Variants in AATF observed in about 807,000 individuals in gnomAD.
AATF encodes the protein protein AATF.
AATF carries 48 observed loss-of-function variants against 63.7 expected under a neutral mutation model. The observed-to-expected ratio is 0.75, with a 90% CI of 0.60 to 0.96. AATF has a LOEUF of 0.96. AATF is among the 40% of genes least tolerant of loss of function. The pLI is 0.00. For synonymous variants in AATF, 258 were observed against 247.7 expected (o/e 1.04, Z -0.39); for missense variants, 639 against 685.7 (o/e 0.93, Z 0.76).
At chr17:37,019,496 T>A (rs979071684) in intron 9 of AATF, among the ~76,000 whole-genome samples, 3 of 152,174 alleles carry the variant, frequency 2.0e-5, no homozygotes, top group African/African-American at 7.2e-5. Flanking sequence ...GACCTCCACC[T>A]CTTCAGTAAA....
At position 37,051,697 on chromosome 17, in the gene AATF, G is replaced by GACAC. The variant is rs59773430; in HGVS notation, c.1620-4875_1620-4872dup. On this transcript the variant is annotated intron_variant, in intron 11 of 11. Coordinates refer to ENST00000619387, the MANE Select transcript of AATF (RefSeq NM_012138.4). ...CCTAAGACAGACAGACAGACAGACA[G>GACAC]ACACACACACACACACACACACACA... Among the ~76,000 whole-genome samples the GACAC allele has an allele frequency of 8.6e-3, 1,183 of 137,210 alleles. 4 individuals are homozygous for GACAC. The highest frequency in any genetic ancestry group is 0.018 in the East Asian group (84 of 4,756). 90.0% of individuals were successfully genotyped at this position (137,210 alleles called of 152,430 possible). A position where few individuals can be genotyped will look rare whatever the true frequency, so the allele number is the denominator to read the frequency against.
chr17:36,989,311 G>T lies in AATF; in HGVS notation c.1214G>T (p.Arg405Ile). The change falls in exon 7 of 12, where the codon AGA becomes ATA. Residue 405 changes from arginine to isoleucine, a missense_variant. Coordinates refer to ENST00000619387, the MANE Select transcript of AATF (RefSeq NM_012138.4). ...QIDHILMDKE[R>I]LLRRTQTKRS... ...GACCATATTCTGATGGACAAAGAGA[G>T]ATTACTTCGAAGGACACAGACCAAG... The T allele has an allele frequency of 6.2e-7, 1 of 1,614,074 alleles. No homozygotes were observed. Among genetic ancestry groups the T allele is most frequent in the Non-Finnish European group, 8.5e-7 (1 of 1,179,998 alleles).
chr17:36,988,740 C>T lies in AATF; in HGVS notation c.1149+20C>T. ...GGGAAGGCAAGTGTGTGTATGCGCG[C>T]ATGTATGTGTAAGATAGGTTGTGGC... On this transcript the variant is annotated intron_variant, in intron 6 of 11. Transcript: ENST00000619387. 1 of 1,611,166 alleles carries T rather than the reference C, an allele frequency of 6.2e-7. No homozygotes were observed. Among genetic ancestry groups the T allele is most frequent in the Non-Finnish European group, 8.5e-7 (1 of 1,178,664 alleles).
At chr17:37,046,557 C>T (rs1416565861) in intron 11 of AATF, among the ~76,000 whole-genome samples, 1 of 152,136 alleles carries the variant, frequency 6.6e-6, no homozygotes, top group Non-Finnish European at 1.5e-5. Context: ...CTAGTTACTT[C>T]TTGTGCGTTT....
intron 7 of AATF, among the ~76,000 whole-genome samples, chr17:36,990,176 A>T (rs1284380580): frequency 6.6e-6 from 1 of 152,198 alleles, no homozygotes; most frequent in Non-Finnish European, 1.5e-5. Context: ...TTACAACTGT[A>T]TTTAAAGTCT....
At chr17:36,986,473 A>T (rs1255071194) in intron 4 of AATF, 144 bp from the exon 5 acceptor site, 1 of 633,662 alleles carries the variant, frequency 1.6e-6, no homozygotes, top group African/African-American at 1.8e-5. Context: ...AATATTTCAG[A>T]GAGTATTTAG....
At chr17:36,985,121 C>G (rs992818882) in intron 4 of AATF, among the ~76,000 whole-genome samples, 2 of 152,058 alleles carry the variant, frequency 1.3e-5, no homozygotes, top group African/African-American at 4.8e-5. Flanking sequence ...AGGCTGGTCT[C>G]GATCTCCTGA....
chr17:37,000,443 A>C (rs2071285528), intron 8 of AATF, among the ~76,000 whole-genome samples: 1 of 151,930 alleles, frequency 6.6e-6, no homozygotes, highest in Admixed American at 6.6e-5. Context: ...CCTCCTCCCA[A>C]CCCCTGTGGA....
chr17:36,953,141 TG>T lies in AATF; in HGVS notation c.541del (p.Glu181LysfsTer29). The T allele has an allele frequency of 1.2e-6, 2 of 1,613,898 alleles. No homozygotes were observed. The highest frequency in any genetic ancestry group is 1.7e-6 in the Non-Finnish European group (2 of 1,179,964). On this transcript the variant is annotated frameshift_variant, in exon 3 of 12. Transcript: ENST00000619387. LOFTEE classifies it high-confidence loss of function. ...SEEEEDEESG[M>X]EEGDDAEDSQ... ...GAGGAGGAAGACGAAGAGAGTGGCA[TG>T]GAAGAAGGGGATGACGCGGAAGACT...
At chr17:36,968,807 A>T (rs1343706274) in intron 4 of AATF, among the ~76,000 whole-genome samples, 1 of 151,802 alleles carries the variant, frequency 6.6e-6, no homozygotes, top group Non-Finnish European at 1.5e-5. Context: ...TTTAGTAGAG[A>T]TGAGGTCTTG....
intron 4 of AATF, among the ~76,000 whole-genome samples, chr17:36,981,630 CTTTCTTT>C (rs1188484798): frequency 6.7e-6 from 1 of 150,110 alleles, no homozygotes; most frequent in East Asian, 2.0e-4. Context: ...CTTCTTTCTT[CTTTCTTT>C]TTTCTTCTTC....
intron 8 of AATF, among the ~76,000 whole-genome samples, chr17:37,006,965 C>T (rs1453136527): frequency 6.6e-6 from 1 of 152,214 alleles, no homozygotes; most frequent in Non-Finnish European, 1.5e-5. Context: ...CTGACTTTTT[C>T]AGTGGTAGCC....
intron 4 of AATF, among the ~76,000 whole-genome samples, chr17:36,957,950 A>G (rs1158216687): frequency 1.3e-5 from 2 of 152,034 alleles, no homozygotes; most frequent in African/African-American, 4.8e-5. Flanking sequence ...CTTCCTCTCC[A>G]CACACCACCC....
At chr17:37,000,359 C>T (rs888980417) in intron 8 of AATF, among the ~76,000 whole-genome samples, 3 of 152,010 alleles carry the variant, frequency 2.0e-5, no homozygotes, top group East Asian at 1.9e-4. Flanking sequence ...TTGCTATTTA[C>T]GGAGTTGGGA....
intron 11 of AATF, among the ~76,000 whole-genome samples, chr17:37,040,256 T>A (rs1369956803): frequency 6.6e-6 from 1 of 152,232 alleles, no homozygotes; most frequent in African/African-American, 2.4e-5. Context: ...TGCCCCACAG[T>A]GATCACTGAG....
intron 8 of AATF, among the ~76,000 whole-genome samples, chr17:37,014,806 G>A (rs2071417199): frequency 6.6e-6 from 1 of 152,256 alleles, no homozygotes; most frequent in South Asian, 2.1e-4. Flanking sequence ...TTGCAAATAA[G>A]CAAGGGGATA....
intron 7 of AATF, 119 bp downstream of exon 7, chr17:36,989,530 A>G: frequency 9.5e-7 from 1 of 1,048,094 alleles, no homozygotes. Context: ...GGAAAGCAAC[A>G]CTACTTTACT....
intron 4 of AATF, 109 bp from the exon 5 acceptor site, chr17:36,986,508 C>G (rs1263754940): frequency 1.6e-5 from 13 of 809,786 alleles, no homozygotes; most frequent in Non-Finnish European, 2.5e-5. Flanking sequence ...CTGTGCCTCC[C>G]CTTCACTCCC....
intron 4 of AATF, among the ~76,000 whole-genome samples, chr17:36,954,548 A>C (rs1219335277): frequency 6.6e-6 from 1 of 152,238 alleles, no homozygotes; most frequent in African/African-American, 2.4e-5. Flanking sequence ...AGATGATCTT[A>C]TTTATATCTT....
Sources: gnomAD v4.1 joint callset for allele counts (sites outside exome capture counted in the v4.1 genomes callset) on GRCh38, gnomAD v4.1.1 for gene constraint, MANE v1.5 for transcripts, NCBI Gene and HGNC (gene_info 2026-07-23, HGNC 2026-07-21) for gene names.